WWOX: variants seen among roughly 807,000 people sequenced by gnomAD.
WWOX encodes WW domain-containing oxidoreductase.
WWOX carries 69 observed loss-of-function variants against 46.2 expected under a neutral mutation model. The ratio of observed to expected loss-of-function variants is 1.49; its 90% CI spans 1.23 to 1.82. WWOX has a LOEUF of 1.82. WWOX is among the 40% of genes most tolerant of loss of function. The pLI, the probability that WWOX is intolerant of heterozygous loss-of-function variation, is 0.00. For missense variants in WWOX, 919 were observed against 542.6 expected (o/e 1.69, Z -6.89); for synonymous variants, 359 against 202.6 (o/e 1.77, Z -6.56).
intron 8 of WWOX, among the ~76,000 whole-genome samples, chr16:78,518,251 A>G (rs1392551895): frequency 6.6e-6 from 1 of 151,856 alleles, no homozygotes; most frequent in African/African-American, 2.4e-5. Flanking sequence ...TTGTTTTTTG[A>G]GATGGAGTCT....
At chr16:78,840,375 A>T (rs2052105271) in intron 8 of WWOX, among the ~76,000 whole-genome samples, 1 of 152,138 alleles carries the variant, frequency 6.6e-6, no homozygotes, top group Admixed American at 6.5e-5. Flanking sequence ...AGGCCACTGT[A>T]CGTCTGTGGT....
intron 5 of WWOX, among the ~76,000 whole-genome samples, chr16:78,168,875 A>G (rs2035059510): frequency 6.6e-6 from 1 of 152,198 alleles, no homozygotes; most frequent in African/African-American, 2.4e-5. Context: ...ACTACTAATT[A>G]TTTCATGGGA....
At chr16:79,048,912 AC>A (rs1450627017) in intron 8 of WWOX, among the ~76,000 whole-genome samples, 1 of 151,940 alleles carries the variant, frequency 6.6e-6, no homozygotes, top group African/African-American at 2.4e-5. Context: ...ACTGTAAGGG[AC>A]CCCCGCCTTT....
At chr16:78,964,460 A>G (rs2046329225) in intron 8 of WWOX, among the ~76,000 whole-genome samples, 1 of 152,180 alleles carries the variant, frequency 6.6e-6, no homozygotes, top group East Asian at 1.9e-4. Context: ...TTTGAACTTG[A>G]GAAAGATGAT....
intron 8 of WWOX, among the ~76,000 whole-genome samples, chr16:78,880,996 T>TC (rs1268578490): frequency 4.3e-4 from 63 of 148,024 alleles, no homozygotes; most frequent in Middle Eastern, 6.8e-3. Flanking sequence ...TTTTTTCTTT[T>TC]TTTTTTTTTT....
intron 8 of WWOX, among the ~76,000 whole-genome samples, chr16:78,797,545 C>T (rs1039009976): frequency 2.0e-5 from 3 of 152,170 alleles, no homozygotes; most frequent in East Asian, 3.9e-4. Context: ...ACTGTTCCAA[C>T]TCCAGTCTGG....
chr16:78,371,766 T>G (rs2151922046), intron 5 of WWOX, among the ~76,000 whole-genome samples: 1 of 152,240 alleles, frequency 6.6e-6, no homozygotes, highest in South Asian at 2.1e-4. Flanking sequence ...TATTCTGCTT[T>G]CAAAATGTTC....
At chr16:78,304,725 T>G (rs1374518693) in intron 5 of WWOX, among the ~76,000 whole-genome samples, 1 of 152,242 alleles carries the variant, frequency 6.6e-6, no homozygotes, top group Non-Finnish European at 1.5e-5. Context: ...AACACCATAA[T>G]GGGCAACCTT....
At chr16:79,015,962 G>A (rs1033947399) in intron 8 of WWOX, among the ~76,000 whole-genome samples, 2 of 152,128 alleles carry the variant, frequency 1.3e-5, no homozygotes, top group African/African-American at 4.8e-5. Flanking sequence ...TGTTGGCCAG[G>A]ATGATCTTGA....
At position 78,860,027 on chromosome 16, in the gene WWOX, C is replaced by G. The variant is rs149001576; in HGVS notation, c.1057-351581C>G. Among the ~76,000 whole-genome samples, 499 of 152,110 alleles carry G rather than the reference C, an allele frequency of 3.3e-3. 3 individuals are homozygous for G. Among genetic ancestry groups the G allele is most frequent in the African/African-American group, 0.011 (472 of 41,500 alleles). ...GATAAATAGCATTTTCACGAGTAAACTTTTTAGTTCTCAAAAGAAAAATTG... is the reference window on the plus strand; with the variant it reads ...GATAAATAGCATTTTCACGAGTAAAGTTTTTAGTTCTCAAAAGAAAAATTG... On this transcript the variant is annotated intron_variant, in intron 8 of 8. Coordinates refer to ENST00000566780, the MANE Select transcript of WWOX (RefSeq NM_016373.4).
At chr16:78,988,564 A>G (rs2046825428) in intron 8 of WWOX, among the ~76,000 whole-genome samples, 1 of 152,040 alleles carries the variant, frequency 6.6e-6, no homozygotes, top group South Asian at 2.1e-4. Flanking sequence ...GTCCCAGCGG[A>G]ATAAACATCC....
intron 8 of WWOX, among the ~76,000 whole-genome samples, chr16:78,599,105 G>T (rs1456073600): frequency 6.6e-6 from 1 of 152,284 alleles, no homozygotes; most frequent in South Asian, 2.1e-4. Flanking sequence ...CTGAATGCCA[G>T]CTCAAGCTGC....
intron 5 of WWOX, among the ~76,000 whole-genome samples, chr16:78,300,076 A>G (rs982263315): frequency 6.6e-6 from 1 of 152,180 alleles, no homozygotes; most frequent in Admixed American, 6.5e-5. Context: ...CTTAAAACAG[A>G]AAGAATTGAG....
intron 8 of WWOX, among the ~76,000 whole-genome samples, chr16:79,033,123 G>A (rs973828033): frequency 1.3e-5 from 2 of 148,296 alleles, no homozygotes; most frequent in Non-Finnish European, 3.0e-5. Flanking sequence ...AGGCTGCATA[G>A]TATTCCACGG....
intron 8 of WWOX, among the ~76,000 whole-genome samples, chr16:78,892,891 G>C (rs542013997): frequency 6.6e-6 from 1 of 152,148 alleles, no homozygotes; most frequent in Non-Finnish European, 1.5e-5. Flanking sequence ...TATCTCCTAC[G>C]CCAAGTCCTA....
chr16:78,845,799 A>G (rs899106561), intron 8 of WWOX, among the ~76,000 whole-genome samples: 1 of 152,252 alleles, frequency 6.6e-6, no homozygotes, highest in African/African-American at 2.4e-5. Flanking sequence ...ATGACATTAT[A>G]AGCTGGCTTA....
chr16:79,177,055 G>A (rs969028729), intron 8 of WWOX, among the ~76,000 whole-genome samples: 2 of 152,136 alleles, frequency 1.3e-5, no homozygotes, highest in African/African-American at 2.4e-5. Flanking sequence ...TTGCATTCAT[G>A]GGATCACCTA....
At chr16:78,496,653 C>G (rs2039563629) in intron 8 of WWOX, among the ~76,000 whole-genome samples, 1 of 152,314 alleles carries the variant, frequency 6.6e-6, no homozygotes, top group African/African-American at 2.4e-5. Context: ...CTATGCACCC[C>G]AAGTTTCTGG....
rs559622569 is a variant in WWOX, at chr16:78,231,949, A to G, written c.516+67660A>G. The stretch of plus-strand genomic sequence containing the variant: ...ATTCAGTGTTTTTATTTAATCATTC[A>G]GTAAGTCTTGACTGCCTGCTATGGA... On this transcript the variant is annotated intron_variant, in intron 5 of 8. Coordinates refer to ENST00000566780, the MANE Select transcript of WWOX (RefSeq NM_016373.4). Among the ~76,000 whole-genome samples the G allele has an allele frequency of 1.2e-4, 19 of 152,174 alleles. No homozygotes were observed. In the East Asian group the frequency reaches 3.5e-3, roughly 28 times the overall value.
Sources: gnomAD v4.1 joint callset for allele counts (sites outside exome capture counted in the v4.1 genomes callset) on GRCh38, gnomAD v4.1.1 for gene constraint, MANE v1.5 for transcripts, NCBI Gene and HGNC (gene_info 2026-07-23, HGNC 2026-07-21) for gene names.